CEP112: variants seen among roughly 807,000 people sequenced by gnomAD.
The protein encoded by CEP112 is centrosomal protein of 112 kDa.
Under a neutral mutation model 153.0 loss-of-function variants are expected in CEP112, and 127 were observed. The observed-to-expected ratio is 0.83, with a 90% CI of 0.72 to 0.96. CEP112 has a LOEUF of 0.96. Ranked by LOEUF, CEP112 falls within the 40% of genes least tolerant of loss-of-function variation. The pLI, the probability that CEP112 is intolerant of heterozygous loss-of-function variation, is 0.00. For missense variants in CEP112, 1,089 were observed against 1,101.2 expected (o/e 0.99, Z 0.16); for synonymous variants, 358 against 374.4 (o/e 0.96, Z 0.51).
intron 18 of CEP112, among the ~76,000 whole-genome samples, chr17:65,952,242 A>C (rs2061859954): frequency 6.6e-6 from 1 of 152,166 alleles, no homozygotes; most frequent in Non-Finnish European, 1.5e-5. Context: ...CATAAGTACA[A>C]ACAGATCCAA....
chr17:65,724,217 G>A (rs933899790), intron 23 of CEP112, among the ~76,000 whole-genome samples: 12 of 152,066 alleles, frequency 7.9e-5, no homozygotes, highest in Non-Finnish European at 1.2e-4. Context: ...TTGACAACTC[G>A]GGAAATAACA....
chr17:66,114,191 T>C (rs1427243653), intron 6 of CEP112, among the ~76,000 whole-genome samples: 1 of 152,210 alleles, frequency 6.6e-6, no homozygotes, highest in Non-Finnish European at 1.5e-5. Flanking sequence ...ATCGCAATAA[T>C]AAAATATGTA....
intron 22 of CEP112, among the ~76,000 whole-genome samples, chr17:65,748,462 T>C (rs2051607050): frequency 6.6e-6 from 1 of 152,188 alleles, no homozygotes; most frequent in Non-Finnish European, 1.5e-5. Context: ...AAAAACATGG[T>C]GTCTGAAGCA....
chr17:65,882,326 T>A (rs1452499060), intron 20 of CEP112, among the ~76,000 whole-genome samples: 1 of 152,266 alleles, frequency 6.6e-6, no homozygotes, highest in Admixed American at 6.5e-5. Context: ...GTGGGTCTTA[T>A]TCATTTTGGC....
rs191232364 is a variant in CEP112, at chr17:66,126,143, T to C, written c.642+3603A>G. Among the ~76,000 whole-genome samples, 28 of 152,314 alleles carry C rather than the reference T, an allele frequency of 1.8e-4. No homozygotes were observed. The East Asian group carries it at 5.4e-3, about 29-fold the overall frequency. On this transcript the variant is annotated intron_variant, in intron 6 of 26. Coordinates refer to ENST00000535342, the MANE Select transcript of CEP112 (RefSeq NM_001199165.4). ...ATGTTAATATTATATGCCTCACTTA[T>C]CAAAGAAAATTCACAAGCACATTCT... is the stretch of plus-strand genomic sequence containing the variant.
At chr17:65,860,100 T>C (rs2058265071) in intron 20 of CEP112, among the ~76,000 whole-genome samples, 1 of 151,654 alleles carries the variant, frequency 6.6e-6, no homozygotes, top group Non-Finnish European at 1.5e-5. Context: ...GTACAAATTA[T>C]TAGAAATAAG....
intron 20 of CEP112, among the ~76,000 whole-genome samples, chr17:65,887,400 T>C (rs2059318342): frequency 6.6e-6 from 1 of 152,214 alleles, no homozygotes; most frequent in African/African-American, 2.4e-5. Flanking sequence ...TGTTTATATA[T>C]CACAAAATCA....
intron 21 of CEP112, among the ~76,000 whole-genome samples, chr17:65,761,696 G>A (rs2052622832): frequency 6.6e-6 from 1 of 151,916 alleles, no homozygotes; most frequent in Non-Finnish European, 1.5e-5. Context: ...AAGTATTTGG[G>A]GATTTCCACC....
chr17:65,658,664 T>C (rs1393467523), intron 24 of CEP112, among the ~76,000 whole-genome samples: 1 of 151,746 alleles, frequency 6.6e-6, no homozygotes, highest in African/African-American at 2.4e-5. Context: ...GGCCCAAGAA[T>C]CACAGGCCAG....
At chr17:65,841,467 AG>A (rs1317638002) in intron 21 of CEP112, among the ~76,000 whole-genome samples, 1 of 152,066 alleles carries the variant, frequency 6.6e-6, no homozygotes, top group Non-Finnish European at 1.5e-5. Context: ...TGCAGGTGAG[AG>A]TAGAATGACA....
chr17:65,670,720 C>A (rs988538512), intron 24 of CEP112, among the ~76,000 whole-genome samples: 1 of 152,030 alleles, frequency 6.6e-6, no homozygotes, highest in Non-Finnish European at 1.5e-5. Context: ...CAGTATACAC[C>A]GAACCAAAAA....
In CEP112 at chr17:65,902,345, A is replaced by G; in HGVS notation, c.1981-11T>C. ...CTTCAGCTCTACTATCTGATTGGAC[A>G]ATGAGGAGGACAGTTCATCAACAGA... On this transcript the variant is annotated splice_polypyrimidine_tract_variant and intron_variant, in intron 19 of 26. Transcript: ENST00000535342. 6.2e-7 allele frequency: 1 copy of G among 1,609,438 alleles called. No homozygotes were observed. The highest frequency in any genetic ancestry group is 8.5e-7 in the Non-Finnish European group (1 of 1,177,848).
intron 6 of CEP112, among the ~76,000 whole-genome samples, chr17:66,101,073 T>C (rs1172580519): frequency 6.6e-6 from 1 of 152,188 alleles, no homozygotes; most frequent in African/African-American, 2.4e-5. Flanking sequence ...ATATGCCGAA[T>C]ATCTTTCAGA....
chr17:65,669,660 T>C (rs190745509), intron 24 of CEP112, among the ~76,000 whole-genome samples: 249 of 152,200 alleles, frequency 1.6e-3, no homozygotes, highest in African/African-American at 5.8e-3. Context: ...TCCCAGCACT[T>C]TGGGGGGCCA....
intron 23 of CEP112, among the ~76,000 whole-genome samples, chr17:65,738,194 T>G (rs1016990488): frequency 6.6e-6 from 1 of 152,188 alleles, no homozygotes; most frequent in South Asian, 2.1e-4. Flanking sequence ...AAAGGCCTAG[T>G]ATAAACACTG....
chr17:65,795,132 T>C (rs900343521), intron 21 of CEP112, among the ~76,000 whole-genome samples: 1 of 152,186 alleles, frequency 6.6e-6, no homozygotes, highest in Admixed American at 6.5e-5. Context: ...ACACTGTCAC[T>C]TGGTAAGCTG....
rs879871451 is a variant in CEP112, at chr17:65,666,775, G to GA, written c.2697+22353dup. ...ATGGAAAGTTCAATTGATAATTAAA[G>GA]AAAAAAAAAACACTTCACTTTTGAG... On this transcript the variant is annotated intron_variant, in intron 24 of 26. Transcript: ENST00000535342. Among the ~76,000 whole-genome samples, 202 of 145,818 alleles carry GA rather than the reference G, an allele frequency of 1.4e-3. 1 individual carries two copies. The East Asian group carries it at 0.017, about 12-fold the overall frequency.
intron 24 of CEP112, among the ~76,000 whole-genome samples, chr17:65,680,947 C>T (rs1037817261): frequency 6.6e-6 from 1 of 152,186 alleles, no homozygotes. Context: ...CGCCATGATC[C>T]AGTCACCTCC....
intron 8 of CEP112, among the ~76,000 whole-genome samples, chr17:66,094,057 T>TTTTA (rs1178596641): frequency 3.9e-5 from 6 of 151,978 alleles, no homozygotes; most frequent in Non-Finnish European, 8.8e-5. Context: ...TTATTATTAT[T>TTTTA]TTTATTTATT....
Sources: allele counts gnomAD v4.1 joint callset (sites outside exome capture counted in the v4.1 genomes callset), GRCh38; gene constraint gnomAD v4.1.1; transcripts MANE v1.5; gene names NCBI Gene and HGNC (gene_info 2026-07-23, HGNC 2026-07-21).